The following TRIM45 variants were observed in gnomAD, a reference collection of about 807,000 sequenced individuals.
The protein encoded by TRIM45 is tripartite motif containing 45, also known as E3 ubiquitin-protein ligase TRIM45.
Under a neutral mutation model 46.7 loss-of-function variants are expected in TRIM45, and 45 were observed. The ratio of observed to expected loss-of-function variants is 0.96; its 90% CI spans 0.76 to 1.24. TRIM45 has a LOEUF of 1.24. TRIM45 is among the 50% of genes most tolerant of loss of function. TRIM45 has a pLI of 0.00. For synonymous variants in TRIM45, 259 were observed against 285.8 expected (o/e 0.91, Z 0.94); for missense variants, 680 against 728.4 (o/e 0.93, Z 0.77).
intron 1 of TRIM45, among the ~76,000 whole-genome samples, chr1:117,120,342 T>C (rs1217554889): frequency 6.6e-6 from 1 of 152,236 alleles, no homozygotes; most frequent in Non-Finnish European, 1.5e-5. Context: ...AAACAGGGCC[T>C]GCTTTTCTGT....
intron 1 of TRIM45, among the ~76,000 whole-genome samples, chr1:117,119,424 G>C (rs1650536157): frequency 6.6e-6 from 1 of 152,130 alleles, no homozygotes; most frequent in South Asian, 2.1e-4. Flanking sequence ...TGGCCAACAT[G>C]GTGAAACCCT....
chr1:117,121,486 A>G lies in TRIM45; in HGVS notation c.-285T>C, dbSNP rs114941120. On this transcript the variant is annotated 5_prime_UTR_variant, in exon 1 of 6. Transcript: ENST00000256649. The surrounding 1 kb of genome is among the most constrained non-coding windows in gnomAD (Gnocchi z 4.2). ...CCTCCCCGGATGCGCTTCCAGGTCTAGCTCTCCAGCTAGTCCTGCTGCCAA... is the reference window on the plus strand; with the variant it reads ...CCTCCCCGGATGCGCTTCCAGGTCTGGCTCTCCAGCTAGTCCTGCTGCCAA... 2,079 of 517,312 alleles carry G rather than the reference A, an allele frequency of 4.0e-3. 40 individuals carry two copies. The highest frequency in any genetic ancestry group is 0.036 in the African/African-American group (1,877 of 51,432). 32.0% of individuals were successfully genotyped at this position (517,312 alleles called of 1,614,324 possible). A position where few individuals can be genotyped will look rare whatever the true frequency, so the allele number is the denominator to read the frequency against.
upstream of TRIM45, chr1:117,121,953 G>A (rs1393881137): frequency 1.2e-5 from 8 of 642,578 alleles, no homozygotes; most frequent in Non-Finnish European, 2.0e-5. This position sits in a 1 kb window ranked among gnomAD's most constrained non-coding sequence, Gnocchi z 4.2. Flanking sequence ...CGGCCGAAGG[G>A]CTTAGAGTGC....
At position 117,121,653 on chromosome 1, in the gene TRIM45, G is replaced by GGC; in HGVS notation, c.-454_-453dup. ...CCTCTTGCTCCTTCCCTCTGCGAAA[G>GGC]GCGCGCGCCGGGTGAGGGAATTGCA... On this transcript the variant is annotated 5_prime_UTR_variant, in exon 1 of 6. Transcript: ENST00000256649. This position sits in a 1 kb window ranked among gnomAD's most constrained non-coding sequence, Gnocchi z 4.2. 1.3e-5 allele frequency: 7 copies of GGC among 519,358 alleles called. No homozygotes were observed. The South Asian group carries it at 1.6e-4, about 12-fold the overall frequency. 32.2% of individuals were successfully genotyped at this position (519,358 alleles called of 1,614,324 possible).
chr1:117,123,727 T>C (rs1425729653), upstream of TRIM45, among the ~76,000 whole-genome samples: 1 of 152,042 alleles, frequency 6.6e-6, no homozygotes, highest in Non-Finnish European at 1.5e-5. Flanking sequence ...CCTCCAGGGT[T>C]CAAGCGATTC....
chr1:117,114,653 C>T (rs138521864), intron 4 of TRIM45, among the ~76,000 whole-genome samples: 2 of 152,328 alleles, frequency 1.3e-5, no homozygotes, highest in African/African-American at 4.8e-5. Flanking sequence ...TATTTTGCTA[C>T]ATTTGCTGTG....
In TRIM45 at chr1:117,118,491, G is replaced by C. The variant is rs1246974589; in HGVS notation, c.765C>G (p.Ala255=). 6.2e-7 allele frequency: 1 copy of C among 1,614,124 alleles called. No homozygotes were observed. The highest frequency in any genetic ancestry group is 1.3e-5 in the African/African-American group (1 of 75,018). The stretch of plus-strand genomic sequence containing the variant: ...TGTTTATTATGTGGATCTGAGCCAG[G>C]GCTTCCTCCAGGGCCTCCACGTGGG... ...TQPHVEALEE[A]LAQIHIINSA... is the part of the protein sequence containing the mutation. Residue 255 remains alanine (A), a synonymous_variant, in exon 2 of 6, where the codon GCC becomes GCG. Coordinates refer to ENST00000256649, the MANE Select transcript of TRIM45 (RefSeq NM_025188.4). The surrounding 1 kb of genome is among the most constrained non-coding windows in gnomAD (Gnocchi z 5.7).
At chr1:117,119,929 C>A (rs1650556319) in intron 1 of TRIM45, among the ~76,000 whole-genome samples, 1 of 152,096 alleles carries the variant, frequency 6.6e-6, no homozygotes, top group Non-Finnish European at 1.5e-5. Context: ...AGCCAGAAAA[C>A]AAATGGAAGT....
At chr1:117,122,904 C>G (rs971422293), upstream of TRIM45, among the ~76,000 whole-genome samples, 4 of 152,042 alleles carry the variant, frequency 2.6e-5, no homozygotes, top group African/African-American at 9.7e-5. Flanking sequence ...TGTTCATGAC[C>G]TTCCCTACTT....
At chr1:117,120,334 A>T (rs1379620795) in intron 1 of TRIM45, among the ~76,000 whole-genome samples, 1 of 152,192 alleles carries the variant, frequency 6.6e-6, no homozygotes, top group Non-Finnish European at 1.5e-5. Context: ...GGGGGCGAAA[A>T]CAGGGCCTGC....
At position 117,111,397 on chromosome 1, in the gene TRIM45, C is replaced by T. The variant is rs1350817006; in HGVS notation, c.*908G>A. The T allele has an allele frequency of 6.6e-6, 1 of 152,186 alleles. No homozygotes were observed. The highest frequency in any genetic ancestry group is 2.4e-5 in the African/African-American group (1 of 41,446). The allele number at this position is 152,186 out of a possible 1,614,324, so 9.4% of individuals were successfully genotyped here. ...TATGAGGTTCTATTTCAACACCATT[C>T]CCCTTTATTAACTTTCTATTTGTAT... On this transcript the variant is annotated 3_prime_UTR_variant, in exon 6 of 6. Transcript: ENST00000256649.
At position 117,112,427 on chromosome 1, in the gene TRIM45, G is replaced by C; in HGVS notation, c.1621C>G (p.His541Asp). The change falls in exon 6 of 6, where the codon CAC becomes GAC. Residue 541 changes from histidine (H) to aspartate (D), a missense_variant. This residue lies in a region of TRIM45 where 322 missense variants were observed against 359.3 expected (regional missense o/e 0.90). Coordinates refer to ENST00000256649, the MANE Select transcript of TRIM45 (RefSeq NM_025188.4). ...PGGYLGCGHG[H>D]KGHPGHPHWS... ...TGGGGATGACCTGGGTGGCCTTTGT[G>C]TCCATGGCCACAGCCTAGGTACCCA... The C allele has an allele frequency of 6.2e-7, 1 of 1,613,676 alleles. No homozygotes were observed. Among genetic ancestry groups the C allele is most frequent in the Non-Finnish European group, 8.5e-7 (1 of 1,179,822 alleles).
At chr1:117,122,125 ACTC>A (rs1197571657), upstream of TRIM45, 15 of 318,626 alleles carry the variant, frequency 4.7e-5, no homozygotes, top group East Asian at 8.3e-4. Context: ...CTGCCCTCGG[ACTC>A]GTCCCACGAA....
chr1:117,121,116 C>G lies in TRIM45; in HGVS notation c.86G>C (p.Cys29Ser). The G allele has an allele frequency of 6.2e-7, 1 of 1,612,828 alleles. No homozygotes were observed. Among genetic ancestry groups the G allele is most frequent in the East Asian group, 2.2e-5 (1 of 44,842 alleles). The part of the protein sequence containing the change: ...TALGNSGKTH[C>S]PLCLGLFKAP... ...TTTGAAAAGCCCCAAGCACAGGGGGCAGTGAGTCTTGCCTGAGTTCCCAAG... is the reference window on the plus strand; with the variant it reads ...TTTGAAAAGCCCCAAGCACAGGGGGGAGTGAGTCTTGCCTGAGTTCCCAAG... Residue 29 changes from cysteine to serine, a missense_variant, in exon 1 of 6, where the codon TGC becomes TCC. This residue lies in a region of TRIM45 where 349 missense variants were observed against 343.6 expected (regional missense o/e 1.02). Coordinates refer to ENST00000256649, the MANE Select transcript of TRIM45 (RefSeq NM_025188.4). The surrounding 1 kb of genome is among the most constrained non-coding windows in gnomAD (Gnocchi z 4.2).
Position 117,111,483 on chromosome 1 carries a change from C to T in TRIM45, c.*822G>A, listed in dbSNP as rs570533134. 10 of 152,148 alleles carry T rather than the reference C, an allele frequency of 6.6e-5. No individual in the cohort carries two copies. Among genetic ancestry groups the T allele is most frequent in the South Asian group, 2.1e-4 (1 of 4,822 alleles). 9.4% of individuals were successfully genotyped at this position (152,148 alleles called of 1,614,324 possible). A position where few individuals can be genotyped will look rare whatever the true frequency, so the allele number is the denominator to read the frequency against. ...GCAGAAGGCTGTCATGGCATAGAGA[C>T]GGAGTAGGGGGACACCACCAAAACA... is the stretch of plus-strand genomic sequence containing the variant. On this transcript the variant is annotated 3_prime_UTR_variant, in exon 6 of 6. Transcript: ENST00000256649.
rs1269441869 is a variant in TRIM45 at position 117,121,040 on chromosome 1, C to T, written c.162G>A (p.Glu54=). ...CLHTVCTTCL[E]QLEPFSVVDI... is the part of the protein sequence containing the mutation. ...CCACTACTGAGAAGGGCTCCAGCTG[C>T]TCCAGACACGTGGTGCAAACTGTAT... The change falls in exon 1 of 6, where the codon GAG becomes GAA. Residue 54 remains glutamate, a synonymous_variant. Coordinates refer to ENST00000256649, the MANE Select transcript of TRIM45 (RefSeq NM_025188.4). The surrounding 1 kb of genome is among the most constrained non-coding windows in gnomAD (Gnocchi z 4.2). 2.5e-6 allele frequency: 4 copies of T among 1,614,080 alleles called. No individual in the cohort carries two copies. The African/African-American group carries it at 5.3e-5, about 22-fold the overall frequency.
chr1:117,113,222 G>T lies in TRIM45; in HGVS notation c.1594+137C>A, dbSNP rs1327994762. 5.7e-6 allele frequency: 7 copies of T among 1,234,904 alleles called. No homozygotes were observed. The East Asian group carries it at 9.4e-5, about 17-fold the overall frequency. 76.5% of individuals were successfully genotyped at this position (1,234,904 alleles called of 1,614,324 possible). On this transcript the variant is annotated intron_variant, in intron 5 of 5. Transcript: ENST00000256649. This position sits in a 1 kb window ranked among gnomAD's most constrained non-coding sequence, Gnocchi z 4.0. ...TAAGTGACACTTTTAGAACAGTGGTGTCTCTACAATCACAGACTGTGCTTC... is the reference window on the plus strand; with the variant it reads ...TAAGTGACACTTTTAGAACAGTGGTTTCTCTACAATCACAGACTGTGCTTC...
Position 117,121,309 on chromosome 1 carries a change from G to C in TRIM45, c.-108C>G. The C allele has an allele frequency of 7.6e-7, 1 of 1,312,586 alleles. No individual in the cohort carries two copies. The highest frequency in any genetic ancestry group is 1.0e-6 in the Non-Finnish European group (1 of 968,764). The allele number at this position is 1,312,586 out of a possible 1,614,324, so 81.3% of individuals were successfully genotyped here. A position where few individuals can be genotyped will look rare whatever the true frequency, so the allele number is the denominator to read the frequency against. On this transcript the variant is annotated 5_prime_UTR_variant, in exon 1 of 6. Coordinates refer to ENST00000256649, the MANE Select transcript of TRIM45 (RefSeq NM_025188.4). The surrounding 1 kb of genome is among the most constrained non-coding windows in gnomAD (Gnocchi z 4.2). ...AGAAAGTCTCCAGAACTTGAACAGA[G>C]ACCATGGGGACTCCCTCGCTGACAA... is the stretch of plus-strand genomic sequence containing the variant.
At position 117,116,305 on chromosome 1, in the gene TRIM45, C is replaced by T. The variant is rs1650396501; in HGVS notation, c.1352+311G>A. Among the ~76,000 whole-genome samples the T allele has an allele frequency of 6.6e-6, 1 of 151,826 alleles. No individual in the cohort carries two copies. Among genetic ancestry groups the T allele is most frequent in the Admixed American group, 6.6e-5 (1 of 15,256 alleles). On this transcript the variant is annotated intron_variant, in intron 3 of 5. Coordinates refer to ENST00000256649, the MANE Select transcript of TRIM45 (RefSeq NM_025188.4). This position sits in a 1 kb window ranked among gnomAD's most constrained non-coding sequence, Gnocchi z 4.6. ...CTGGAGTGCACTGGCACAATCACAG[C>T]TCACTGCAACCTCGACCTCCTGGGC... is the stretch of plus-strand genomic sequence containing the variant.
Sources: allele counts gnomAD v4.1 joint callset (sites outside exome capture counted in the v4.1 genomes callset), GRCh38; gene constraint gnomAD v4.1.1; regional missense constraint gnomAD v4.1.1; non-coding constraint Gnocchi (gnomAD v3.1); transcripts MANE v1.5; gene names NCBI Gene and HGNC (gene_info 2026-07-23, HGNC 2026-07-21).